Variants in SHLD1 observed in about 807,000 individuals in gnomAD.
SHLD1 encodes RINN1-REV7-interacting novel NHEJ regulator 3.
Under a neutral mutation model 5.5 loss-of-function variants are expected in SHLD1, and 3 were observed. That is an observed-to-expected ratio of 0.54 (90% CI 0.25 to 1.40). SHLD1 has a LOEUF of 1.40. Among genes scored for constraint, SHLD1 ranks in the 40% most tolerant of loss-of-function variants. The pLI is 0.15. For missense variants in SHLD1, 210 were observed against 244.4 expected (o/e 0.86, Z 0.94); for synonymous variants, 92 against 94.3 (o/e 0.98, Z 0.14).
intron 2 of SHLD1, among the ~76,000 whole-genome samples, chr20:5,842,947 C>T (rs1600172242): frequency 6.6e-6 from 1 of 152,164 alleles, no homozygotes; most frequent in African/African-American, 2.4e-5. Flanking sequence ...ACATATTAAG[C>T]ATATTTGCCT....
intron 2 of SHLD1, among the ~76,000 whole-genome samples, chr20:5,789,676 C>T (rs2122299605): frequency 6.6e-6 from 1 of 151,980 alleles, no homozygotes; most frequent in South Asian, 2.1e-4. Flanking sequence ...CCTTGTTCTT[C>T]CCTGCTAAGC....
chr20:5,779,360 C>T (rs1017645138), intron 2 of SHLD1, among the ~76,000 whole-genome samples: 14 of 152,176 alleles, frequency 9.2e-5, no homozygotes, highest in Admixed American at 3.3e-4. Context: ...CCTTAAGTTT[C>T]AGAATTGTCC....
chr20:5,802,697 AGTGCAGTGGC>A (rs2087311296), intron 2 of SHLD1, among the ~76,000 whole-genome samples: 1 of 151,000 alleles, frequency 6.6e-6, no homozygotes, highest in African/African-American at 2.4e-5. Flanking sequence ...CTCAGGCTGG[AGTGCAGTGGC>A]GTGATCATGG....
intron 1 of SHLD1, among the ~76,000 whole-genome samples, chr20:5,759,989 T>C (rs6133258): frequency 1.3e-5 from 2 of 150,442 alleles, no homozygotes; most frequent in African/African-American, 2.4e-5. Flanking sequence ...TGTATTTTTA[T>C]ACACACACAC....
At chr20:5,813,010 G>A (rs1434382098) in intron 2 of SHLD1, among the ~76,000 whole-genome samples, 6 of 152,098 alleles carry the variant, frequency 3.9e-5, no homozygotes, top group African/African-American at 1.4e-4. Flanking sequence ...AAGTACCTGG[G>A]ACCACAGGTG....
At chr20:5,825,075 A>G (rs527648931) in intron 2 of SHLD1, among the ~76,000 whole-genome samples, 67 of 152,362 alleles carry the variant, frequency 4.4e-4, no homozygotes, top group African/African-American at 1.3e-3. Flanking sequence ...GTTGGTTTCT[A>G]TGACTATGAA....
At chr20:5,785,967 A>G (rs1180636006) in intron 2 of SHLD1, among the ~76,000 whole-genome samples, 1 of 151,664 alleles carries the variant, frequency 6.6e-6, no homozygotes, top group Non-Finnish European at 1.5e-5. Context: ...TCTCCTTTCC[A>G]TTTCTCCCAT....
chr20:5,849,760 C>G (rs2087978825), intron 2 of SHLD1, among the ~76,000 whole-genome samples: 2 of 148,512 alleles, frequency 1.3e-5, no homozygotes, highest in Non-Finnish European at 3.0e-5. Context: ...GAGATCGAGA[C>G]CATCCTGGCT....
rs749245274 is a variant in SHLD1, at chr20:5,863,273, G to T, written c.428G>T (p.Arg143Leu). 1 of 1,614,018 alleles carries T rather than the reference G, an allele frequency of 6.2e-7. No individual in the cohort carries two copies. Among genetic ancestry groups the T allele is most frequent in the Non-Finnish European group, 8.5e-7 (1 of 1,180,038 alleles). ...RGQESQKYALRSFQMARVIFN... is the reference protein window; with the variant it reads ...RGQESQKYALLSFQMARVIFN... ...CAGGAGAGCCAAAAGTATGCCCTCC[G>T]CAGTTTTCAAATGGCCCGGGTGATC... The change falls in exon 3 of 3, where the codon CGC (arginine) becomes CTC (leucine). Residue 143 changes from arginine (R) to leucine (L), a missense_variant. Coordinates refer to ENST00000303142, the MANE Select transcript of SHLD1 (RefSeq NM_152504.4).
At chr20:5,751,464 G>A (rs949142560) in intron 1 of SHLD1, among the ~76,000 whole-genome samples, 8 of 152,040 alleles carry the variant, frequency 5.3e-5, no homozygotes, top group African/African-American at 1.7e-4. Context: ...CTGCCACCAC[G>A]TTCGACTAAT....
chr20:5,813,155 C>T (rs1026527829), intron 2 of SHLD1, among the ~76,000 whole-genome samples: 3 of 151,660 alleles, frequency 2.0e-5, no homozygotes, highest in African/African-American at 7.3e-5. Flanking sequence ...GGATTACAGG[C>T]GTGAGTCACC....
In SHLD1 at chr20:5,817,432, C is replaced by CTGTG. The variant is rs1190340129; in HGVS notation, c.178+44427_178+44430dup. Reference sequence around the variant, plus strand: ...TCTCTCTCTCTCTCTCTCTCTCTCTCTGTGTGTGTGTGTGTGTGTGTGTGT... The same window carrying CTGTG: ...TCTCTCTCTCTCTCTCTCTCTCTCTCTGTGTGTGTGTGTGTGTGTGTGTGTGTGT... On this transcript the variant is annotated intron_variant, in intron 2 of 2. Transcript: ENST00000303142. 7.5e-3 allele frequency among the ~76,000 whole-genome samples: 640 copies of CTGTG among 85,610 alleles called. 10 individuals are homozygous for CTGTG. The highest frequency in any genetic ancestry group is 0.025 in the African/African-American group (451 of 17,964). 56.2% of individuals were successfully genotyped at this position (85,610 alleles called of 152,430 possible).
intron 2 of SHLD1, among the ~76,000 whole-genome samples, chr20:5,805,128 C>T (rs1248054736): frequency 6.6e-6 from 1 of 151,530 alleles, no homozygotes; most frequent in African/African-American, 2.4e-5. Flanking sequence ...TTTTCCCCTC[C>T]TTAATCTTCT....
intron 2 of SHLD1, among the ~76,000 whole-genome samples, chr20:5,844,530 G>A (rs1295523612): frequency 6.6e-6 from 1 of 152,050 alleles, no homozygotes; most frequent in African/African-American, 2.4e-5. Flanking sequence ...GGCACCTGCT[G>A]TTTCTGCCCA....
At chr20:5,786,465 C>T (rs1244096113) in intron 2 of SHLD1, among the ~76,000 whole-genome samples, 5 of 152,112 alleles carry the variant, frequency 3.3e-5, no homozygotes, top group African/African-American at 1.2e-4. Context: ...GTCCCAGGTA[C>T]TTAGGAGGCT....
At position 5,855,713 on chromosome 20, in the gene SHLD1, G is replaced by A. The variant is rs1318684226; in HGVS notation, c.179-7311G>A. 6.6e-6 allele frequency among the ~76,000 whole-genome samples: 1 copy of A among 152,098 alleles called. No homozygotes were observed. Among genetic ancestry groups the A allele is most frequent in the African/African-American group, 2.4e-5 (1 of 41,424 alleles). ...TTTATCCATTTATCTGTTGATAGCT[G>A]GGTTGCTTCTAACTCTTGGCTAATG... On this transcript the variant is annotated intron_variant, in intron 2 of 2. Coordinates refer to ENST00000303142, the MANE Select transcript of SHLD1 (RefSeq NM_152504.4). The surrounding 1 kb of genome is among the most constrained non-coding windows in gnomAD (Gnocchi z 4.4).
At chr20:5,767,975 C>CTTTTTT (rs71197793) in intron 1 of SHLD1, among the ~76,000 whole-genome samples, 1 of 134,692 alleles carries the variant, frequency 7.4e-6, no homozygotes, top group Non-Finnish European at 1.6e-5. Flanking sequence ...GTGACGAATT[C>CTTTTTT]TTTTTTTTTT....
At chr20:5,844,935 C>A (rs1319877588) in intron 2 of SHLD1, among the ~76,000 whole-genome samples, 1 of 151,408 alleles carries the variant, frequency 6.6e-6, no homozygotes, top group East Asian at 1.9e-4. Context: ...GCTGGGACTA[C>A]AGGTGCACGC....
chr20:5,847,090 G>GTT (rs200818623), intron 2 of SHLD1, among the ~76,000 whole-genome samples: 120 of 149,508 alleles, frequency 8.0e-4, no homozygotes, highest in African/African-American at 2.9e-3. Context: ...TCATATTAGG[G>GTT]TTTTTTTTTT....
Sources: allele counts gnomAD v4.1 joint callset (sites outside exome capture counted in the v4.1 genomes callset), GRCh38; gene constraint gnomAD v4.1.1; non-coding constraint Gnocchi (gnomAD v3.1); transcripts MANE v1.5; gene names NCBI Gene and HGNC (gene_info 2026-07-23, HGNC 2026-07-21).